Variants in ARHGEF10L observed in about 807,000 individuals in gnomAD.
ARHGEF10L encodes the protein Rho guanine nucleotide exchange factor 10 like.
ARHGEF10L carries 69 observed loss-of-function variants against 141.2 expected under a neutral mutation model. That is an observed-to-expected ratio of 0.49 (90% CI 0.40 to 0.60). The LOEUF is 0.60. ARHGEF10L is among the 20% of genes least tolerant of loss of function. ARHGEF10L has a pLI of 0.00. For missense variants in ARHGEF10L, 1,482 were observed against 1,734.3 expected, an observed-to-expected ratio of 0.85 and a Z score of 2.58; for synonymous variants, 711 against 718.5, an observed-to-expected ratio of 0.99 and a Z score of 0.17.
intron 2 of ARHGEF10L, among the ~76,000 whole-genome samples, chr1:17,586,850 G>T (rs568785006): frequency 1.3e-5 from 2 of 152,158 alleles, no homozygotes; most frequent in South Asian, 4.2e-4. Context: ...CACGAAAGGG[G>T]TTCCCCAGGA....
intron 27 of ARHGEF10L, among the ~76,000 whole-genome samples, chr1:17,693,441 GTAACC>G (rs2065247473): frequency 6.6e-6 from 1 of 152,194 alleles, no homozygotes; most frequent in East Asian, 1.9e-4. Flanking sequence ...CCCCGAGTCG[GTAACC>G]TGCCTTTTGG....
chr1:17,663,447 G>A (rs1471511096), intron 25 of ARHGEF10L, among the ~76,000 whole-genome samples: 3 of 151,936 alleles, frequency 2.0e-5, no homozygotes, highest in African/African-American at 4.8e-5. Flanking sequence ...CAGCTACTTC[G>A]GAGGCTGAGG....
At chr1:17,536,842 G>A (rs546274627), upstream of ARHGEF10L, among the ~76,000 whole-genome samples, 7 of 152,152 alleles carry the variant, frequency 4.6e-5, no homozygotes, top group East Asian at 1.4e-3. Context: ...CAGATCTTCC[G>A]ATTTGTTAAG....
At chr1:17,528,622 A>G in the ARHGEF10L span, among the ~76,000 whole-genome samples, 5 of 152,072 alleles carry the variant, frequency 3.3e-5, no homozygotes, top group Non-Finnish European at 7.4e-5. Flanking sequence ...TCATCCATCC[A>G]TCCATCCTCC....
intron 8 of ARHGEF10L, among the ~76,000 whole-genome samples, chr1:17,613,866 A>C (rs80223599): frequency 0.11 from 16,079 of 152,190 alleles, 1,001 homozygotes; most frequent in Non-Finnish European, 0.13. Flanking sequence ...GGCCTCTCTG[A>C]GCCTCGGTTT....
intron 21 of ARHGEF10L, among the ~76,000 whole-genome samples, chr1:17,646,124 G>T (rs771579100): frequency 2.0e-5 from 3 of 152,316 alleles, no homozygotes; most frequent in African/African-American, 7.2e-5. Flanking sequence ...TGAGCCCGCC[G>T]GGTGCTGGCG....
intron 14 of ARHGEF10L, 110 bp downstream of exon 14, chr1:17,626,158 C>T (rs1431624105): frequency 1.2e-6 from 1 of 827,354 alleles, no homozygotes; most frequent in Non-Finnish European, 1.9e-6. Flanking sequence ...TGATCCATAA[C>T]CCACCCAACC....
chr1:17,664,381 C>G, intron 25 of ARHGEF10L, 66 bp from the exon 26 acceptor site: 1 of 1,542,534 alleles, frequency 6.5e-7, no homozygotes, highest in Non-Finnish European at 8.7e-7. Flanking sequence ...CTGCTGCTGG[C>G]CTGCGTTCCC....
Position 17,587,714 on chromosome 1 carries a change from G to C in ARHGEF10L, c.223+69G>C, listed in dbSNP as rs566859671. 3 of 1,491,758 alleles carry C rather than the reference G, an allele frequency of 2.0e-6. No homozygotes were observed. In the East Asian group the frequency reaches 7.1e-5, roughly 35 times the overall value. The allele number at this position is 1,491,758 out of a possible 1,614,324, so 92.4% of individuals were successfully genotyped here. On this transcript the variant is annotated intron_variant, in intron 3 of 28. Coordinates refer to ENST00000361221, the MANE Select transcript of ARHGEF10L (RefSeq NM_018125.4). ...CATGGAGAACTGGGCGGAAGCTCCA[G>C]GCTCTCAGGGATGCCTGGTGGCCCC...
In ARHGEF10L at chr1:17,607,919, A is replaced by C; in HGVS notation, c.551A>C (p.Glu184Ala). 6.5e-7 allele frequency: 1 copy of C among 1,528,204 alleles called. No homozygotes were observed. Among genetic ancestry groups the C allele is most frequent in the Non-Finnish European group, 8.8e-7 (1 of 1,140,238 alleles). 94.7% of individuals were successfully genotyped at this position (1,528,204 alleles called of 1,614,324 possible). A position where few individuals can be genotyped will look rare whatever the true frequency, so the allele number is the denominator to read the frequency against. The stretch of plus-strand genomic sequence containing the variant: ...AGCTACAGCGAGGACTCGGGGGAGG[A>C]GGCCAAGCCGGAGGTCGAGGTCGAG... ...FESYSEDSGEEAKPEVEVEPA... is the reference protein window; with the variant it reads ...FESYSEDSGEAAKPEVEVEPA... The change falls in exon 7 of 29, where the codon GAG becomes GCG. Residue 184 changes from glutamate to alanine, a missense_variant. Coordinates refer to ENST00000361221, the MANE Select transcript of ARHGEF10L (RefSeq NM_018125.4). This position sits in a 1 kb window ranked among gnomAD's most constrained non-coding sequence, Gnocchi z 4.5.
At chr1:17,608,081 ACGTCTGGGTCCCAGGGATTCC>A (rs2081341974) in intron 7 of ARHGEF10L, 104 bp downstream of exon 7, 1 of 1,198,884 alleles carries the variant, frequency 8.3e-7, no homozygotes, top group South Asian at 2.6e-5. Context: ...CCTAGGACTC[ACGTCTGGGTCCCAGGGATTCC>A]CGGGTATGTG....
At chr1:17,620,942 G>C (rs1277044651) in intron 10 of ARHGEF10L, among the ~76,000 whole-genome samples, 2 of 152,174 alleles carry the variant, frequency 1.3e-5, no homozygotes, top group African/African-American at 4.8e-5. Flanking sequence ...CCAGGTGACT[G>C]TGTTGGAAAG....
chr1:17,516,295 T>C, the ARHGEF10L span, among the ~76,000 whole-genome samples: 14 of 152,256 alleles, frequency 9.2e-5, 1 homozygote, highest in Non-Finnish European at 2.1e-4. Flanking sequence ...AACTCGTGGT[T>C]CCTTCCCTAA....
intron 1 of ARHGEF10L, among the ~76,000 whole-genome samples, chr1:17,543,380 C>G (rs914471188): frequency 6.6e-6 from 1 of 152,004 alleles, no homozygotes; most frequent in Non-Finnish European, 1.5e-5. Context: ...GTCGGGAGTT[C>G]GAGACTAGCC....
intron 25 of ARHGEF10L, among the ~76,000 whole-genome samples, chr1:17,662,012 CGCCGTT>C (rs1309124034): frequency 1.3e-5 from 2 of 152,212 alleles, no homozygotes; most frequent in African/African-American, 4.8e-5. Context: ...CTCCATGGGT[CGCCGTT>C]GTCACGTTGG....
chr1:17,608,659 C>T lies in ARHGEF10L; in HGVS notation c.609+682C>T, dbSNP rs145145703. On this transcript the variant is annotated intron_variant, in intron 7 of 28. Transcript: ENST00000361221. ...GCACCCATGCTCCTTCCCTGTTGTT[C>T]TGCGGAAGCCACCAAGAGGCAGTGT... Among the ~76,000 whole-genome samples, 125 of 152,302 alleles carry T rather than the reference C, an allele frequency of 8.2e-4. 3 individuals carry two copies. The East Asian group carries it at 0.017, about 21-fold the overall frequency.
intron 26 of ARHGEF10L, among the ~76,000 whole-genome samples, chr1:17,669,323 C>T (rs946132750): frequency 6.6e-6 from 1 of 152,226 alleles, no homozygotes; most frequent in Non-Finnish European, 1.5e-5. Context: ...CTTTTTCTGA[C>T]TCCTCCCACC....
intron 7 of ARHGEF10L, 58 bp from the exon 8 acceptor site, chr1:17,613,000 C>A: frequency 8.4e-7 from 1 of 1,196,358 alleles, no homozygotes; most frequent in Non-Finnish European, 1.2e-6. Flanking sequence ...TTGTCTCCTT[C>A]CTGTCCCGCC....
chr1:17,643,143 A>G (rs2061415325), intron 21 of ARHGEF10L, among the ~76,000 whole-genome samples: 2 of 152,016 alleles, frequency 1.3e-5, no homozygotes, highest in African/African-American at 4.8e-5. Flanking sequence ...TTTTCTTTTT[A>G]TCTGCAGTGG....
Sources: gnomAD v4.1 joint callset for allele counts (sites outside exome capture counted in the v4.1 genomes callset) on GRCh38, gnomAD v4.1.1 for gene constraint, Gnocchi (gnomAD v3.1) non-coding constraint, MANE v1.5 for transcripts, NCBI Gene and HGNC (gene_info 2026-07-23, HGNC 2026-07-21) for gene names.